EYS: variants seen among roughly 807,000 people sequenced by gnomAD.
EYS encodes protein eyes shut homolog.
EYS carries 250 observed loss-of-function variants against 282.1 expected under a neutral mutation model. The observed-to-expected ratio is 0.89, with a 90% confidence interval of 0.80 to 0.98. The LOEUF is 0.98. EYS is among the 50% of genes least tolerant of loss of function. The pLI is 0.00. For missense variants in EYS, 4,016 were observed against 3,709.0 expected (o/e 1.08, Z -2.15); for synonymous variants, 1,355 against 1,282.9 (o/e 1.06, Z -1.20).
intron 12 of EYS, among the ~76,000 whole-genome samples, chr6:65,205,044 CTAGAAGAATATA>C (rs572941046): frequency 2.3e-5 from 3 of 129,398 alleles, no homozygotes; most frequent in African/African-American, 3.3e-5. Context: ...TTTATATATT[CTAGAAGAATATA>C]TTTATATATT....
rs555908956 is a variant in EYS at position 65,698,442 on chromosome 6, A to C, written c.-448+8693T>G. Among the ~76,000 whole-genome samples, 10 of 152,302 alleles carry C rather than the reference A, an allele frequency of 6.6e-5. 1 individual carries two copies. The highest frequency in any genetic ancestry group is 1.9e-4 in the African/African-American group (8 of 41,590). ...AATATGAACTACAGGTTATATCAATAATATAAGACTTTTTCTTGAATTATA... is the reference window on the plus strand; with the variant it reads ...AATATGAACTACAGGTTATATCAATCATATAAGACTTTTTCTTGAATTATA... On this transcript the variant is annotated intron_variant, in intron 1 of 42. Transcript: ENST00000503581.
intron 31 of EYS, among the ~76,000 whole-genome samples, chr6:64,104,844 C>T (rs1048014004): frequency 1.3e-5 from 2 of 149,524 alleles, no homozygotes; most frequent in Admixed American, 1.3e-4. Context: ...ATTGTTATGA[C>T]ATCTTGTTTT....
intron 28 of EYS, among the ~76,000 whole-genome samples, chr6:64,429,561 G>T (rs1325731884): frequency 6.6e-6 from 1 of 152,186 alleles, no homozygotes; most frequent in East Asian, 1.9e-4. Context: ...AATCACAGAG[G>T]TGGAGGTTGC....
chr6:65,198,728 G>T lies in EYS; in HGVS notation c.2023+97135C>A, dbSNP rs144426289. ...ACTCTTTGAAAAATGTATTTTCATG[G>T]AAGTGAGTAGCAAGAATGACATTTT... On this transcript the variant is annotated intron_variant, in intron 12 of 42. Transcript: ENST00000503581. Among the ~76,000 whole-genome samples the T allele has an allele frequency of 9.9e-5, 15 of 152,216 alleles. No individual in the cohort carries two copies. The East Asian group carries it at 2.7e-3, about 27-fold the overall frequency.
intron 11 of EYS, among the ~76,000 whole-genome samples, chr6:65,299,680 A>G (rs1768762966): frequency 6.6e-6 from 1 of 152,170 alleles, no homozygotes; most frequent in Admixed American, 6.5e-5. Context: ...GTCAAATATT[A>G]CAGTGCGTTT....
chr6:64,605,296 T>C (rs944937392), intron 24 of EYS, among the ~76,000 whole-genome samples: 3 of 152,004 alleles, frequency 2.0e-5, no homozygotes, highest in Admixed American at 1.3e-4. Flanking sequence ...TTTGTAGATA[T>C]TGAGTTTTAA....
At chr6:64,569,021 G>GA (rs1224261240) in intron 26 of EYS, among the ~76,000 whole-genome samples, 14 of 17,502 alleles carry the variant, frequency 8.0e-4, no homozygotes, top group African/African-American at 4.8e-3. Flanking sequence ...CACAAAGATG[G>GA]AAAAGAAAAA....
chr6:65,239,606 T>G (rs1279587760), intron 12 of EYS, among the ~76,000 whole-genome samples: 1 of 152,154 alleles, frequency 6.6e-6, no homozygotes. Flanking sequence ...AGCAGAAATG[T>G]AACAGAACCT....
At chr6:64,914,080 T>A (rs1463699890) in intron 15 of EYS, among the ~76,000 whole-genome samples, 1 of 151,740 alleles carries the variant, frequency 6.6e-6, no homozygotes. Context: ...AGGGGGAAAG[T>A]GTTTTACACA....
At chr6:64,442,604 T>C (rs2150469194) in intron 26 of EYS, among the ~76,000 whole-genome samples, 1 of 152,298 alleles carries the variant, frequency 6.6e-6, no homozygotes, top group South Asian at 2.1e-4. Flanking sequence ...TGGGCCAGGC[T>C]AAGGGTATTT....
intron 13 of EYS, among the ~76,000 whole-genome samples, chr6:65,014,793 G>T (rs1045443350): frequency 3.9e-5 from 6 of 152,152 alleles, no homozygotes; most frequent in African/African-American, 1.4e-4. Context: ...AAGATATCCA[G>T]CTCCTAATTC....
intron 19 of EYS, among the ~76,000 whole-genome samples, chr6:64,859,970 T>C (rs1766184347): frequency 6.6e-6 from 1 of 152,200 alleles, no homozygotes; most frequent in East Asian, 1.9e-4. Context: ...TTGAAAACAT[T>C]AATCTCTCTC....
intron 30 of EYS, among the ~76,000 whole-genome samples, chr6:64,260,945 T>C (rs1767566537): frequency 6.6e-6 from 1 of 152,050 alleles, no homozygotes; most frequent in Non-Finnish European, 1.5e-5. Context: ...TGTGATGTTT[T>C]TATACAAGTA....
intron 2 of EYS, among the ~76,000 whole-genome samples, chr6:65,577,539 C>A (rs1764715294): frequency 6.6e-6 from 1 of 151,542 alleles, no homozygotes; most frequent in Non-Finnish European, 1.5e-5. Flanking sequence ...GGATATAACC[C>A]CAAAGACACA....
At chr6:64,636,321 C>CA (rs1767979313) in intron 22 of EYS, among the ~76,000 whole-genome samples, 1 of 152,064 alleles carries the variant, frequency 6.6e-6, no homozygotes, top group African/African-American at 2.4e-5. Flanking sequence ...ACAAATCTGA[C>CA]AAAAACAAGA....
intron 35 of EYS, among the ~76,000 whole-genome samples, chr6:63,921,275 T>G (rs923456566): frequency 6.6e-6 from 1 of 152,230 alleles, no homozygotes; most frequent in African/African-American, 2.4e-5. Flanking sequence ...ATGCACCATG[T>G]GCCAAAGCAC....
At chr6:64,703,417 A>T (rs1011121005) in intron 22 of EYS, among the ~76,000 whole-genome samples, 1 of 41,768 alleles carries the variant, frequency 2.4e-5, no homozygotes, top group Non-Finnish European at 5.9e-5. Flanking sequence ...ACACATATAT[A>T]TATATATATA....
chr6:65,287,591 T>C (rs1483542190), intron 12 of EYS, among the ~76,000 whole-genome samples: 1 of 151,330 alleles, frequency 6.6e-6, no homozygotes, highest in African/African-American at 2.4e-5. Context: ...TTTTGCATTT[T>C]AATGAGTTTG....
chr6:64,840,994 T>C (rs1378543744), intron 19 of EYS, among the ~76,000 whole-genome samples: 2 of 152,148 alleles, frequency 1.3e-5, no homozygotes, highest in African/African-American at 2.4e-5. Flanking sequence ...ATTAAGACCA[T>C]TGCTCTTCAA....
Sources: allele counts gnomAD v4.1 joint callset (sites outside exome capture counted in the v4.1 genomes callset), GRCh38; gene constraint gnomAD v4.1.1; transcripts MANE v1.5; gene names NCBI Gene and HGNC (gene_info 2026-07-23, HGNC 2026-07-21).